The following ATP2B2 variants were observed in gnomAD, a reference collection of about 807,000 sequenced individuals.
The protein encoded by ATP2B2 is plasma membrane calcium-transporting ATPase 2.
ATP2B2 carries 15 observed loss-of-function variants against 120.0 expected under a neutral mutation model. The observed-to-expected ratio is 0.12, with a 90% CI of 0.08 to 0.19. ATP2B2 has a LOEUF of 0.19. ATP2B2 is among the 10% of genes least tolerant of loss of function. The probability of loss-of-function intolerance (pLI) is 1.00; values close to 1 mark genes in which losing one functional copy is unlikely to be tolerated. For missense variants in ATP2B2, 1,045 were observed against 1,719.8 expected, an observed-to-expected ratio of 0.61 and a Z score of 6.94; for synonymous variants, 694 against 700.3, an observed-to-expected ratio of 0.99 and a Z score of 0.14.
At chr3:10,593,078 G>A (rs1006601407) in intron 2 of ATP2B2, among the ~76,000 whole-genome samples, 1 of 152,256 alleles carries the variant, frequency 6.6e-6, no homozygotes, top group Admixed American at 6.5e-5. Flanking sequence ...GAACCACCAC[G>A]CCCAGCCCAT....
chr3:10,606,954 GA>G (rs1482945626), intron 2 of ATP2B2, among the ~76,000 whole-genome samples: 76 of 60,192 alleles, frequency 1.3e-3, no homozygotes, highest in Admixed American at 9.7e-3. Flanking sequence ...GGGAGAGGGG[GA>G]GGGGGGGAGA....
chr3:10,683,585 C>T (rs1462754924), intron 1 of ATP2B2, among the ~76,000 whole-genome samples: 1 of 151,666 alleles, frequency 6.6e-6, no homozygotes, highest in East Asian at 1.9e-4. Flanking sequence ...GAAACTATCA[C>T]TGCCAGCACC....
chr3:10,416,526 C>G (rs1238889982), intron 2 of ATP2B2, among the ~76,000 whole-genome samples: 2 of 152,210 alleles, frequency 1.3e-5, no homozygotes, highest in South Asian at 4.1e-4. Flanking sequence ...ATCTTGACAT[C>G]TAGCTCACCA....
At chr3:10,607,535 C>A (rs1480902019) in intron 2 of ATP2B2, among the ~76,000 whole-genome samples, 2 of 152,204 alleles carry the variant, frequency 1.3e-5, no homozygotes, top group Admixed American at 1.3e-4. Flanking sequence ...GGCACCCTGG[C>A]CAGGACACAG....
At chr3:10,703,934 C>G (rs2071857726) in intron 1 of ATP2B2, among the ~76,000 whole-genome samples, 1 of 152,216 alleles carries the variant, frequency 6.6e-6, no homozygotes, top group South Asian at 2.1e-4. Flanking sequence ...CTACTAGGAA[C>G]AGCCACTGTG....
intron 3 of ATP2B2, among the ~76,000 whole-genome samples, chr3:10,517,792 T>C (rs2066905847): frequency 6.6e-6 from 1 of 152,202 alleles, no homozygotes; most frequent in Admixed American, 6.5e-5. Flanking sequence ...GAACTGGGTG[T>C]CACGTCCTGG....
intron 2 of ATP2B2, among the ~76,000 whole-genome samples, chr3:10,551,381 A>T (rs1022458600): frequency 5.9e-5 from 9 of 152,238 alleles, no homozygotes; most frequent in Non-Finnish European, 1.0e-4. Flanking sequence ...CCATGGGCAC[A>T]GATGGGGCCA....
chr3:10,496,899 T>C lies in ATP2B2; in HGVS notation c.-320+8566A>G, dbSNP rs1411408838. 2.6e-5 allele frequency among the ~76,000 whole-genome samples: 4 copies of C among 151,832 alleles called. No individual in the cohort carries two copies. The South Asian group carries it at 6.3e-4, about 24-fold the overall frequency. On this transcript the variant is annotated intron_variant, in intron 1 of 22. Transcript: ENST00000360273. ...GTCCTCCCCCCAACTCCAATCCACTTTGTGGCCCTAGCCTGTCTGGTGGCT... is the reference window on the plus strand; with the variant it reads ...GTCCTCCCCCCAACTCCAATCCACTCTGTGGCCCTAGCCTGTCTGGTGGCT...
chr3:10,551,456 C>A (rs917280961), intron 2 of ATP2B2, among the ~76,000 whole-genome samples: 2 of 152,234 alleles, frequency 1.3e-5, no homozygotes, highest in African/African-American at 4.8e-5. Context: ...TTGCAAGATA[C>A]AATCCCTGAT....
chr3:10,593,065 C>T (rs546571102), intron 2 of ATP2B2, among the ~76,000 whole-genome samples: 4 of 152,338 alleles, frequency 2.6e-5, no homozygotes, highest in East Asian at 3.9e-4. Flanking sequence ...GGAATACAGG[C>T]GTGAACCACC....
chr3:10,364,659 C>T (rs944679614), intron 12 of ATP2B2, among the ~76,000 whole-genome samples: 1 of 151,870 alleles, frequency 6.6e-6, no homozygotes, highest in Non-Finnish European at 1.5e-5. Context: ...TGCAGTGAGC[C>T]AAAATTGTGC....
Position 10,328,797 on chromosome 3 carries a change from G to A in ATP2B2, c.*17C>T, listed in dbSNP as rs747590367. Reference sequence around the variant, plus strand: ...CGGGGTCCATGAGGGCGGGCGGGCAGGCGAGAGGGTCCTCAGCTAAAGCGA... The same window carrying A: ...CGGGGTCCATGAGGGCGGGCGGGCAAGCGAGAGGGTCCTCAGCTAAAGCGA... On this transcript the variant is annotated 3_prime_UTR_variant, in exon 23 of 23. Coordinates refer to ENST00000360273, the MANE Select transcript of ATP2B2 (RefSeq NM_001001331.4). 3 of 1,594,206 alleles carry A rather than the reference G, an allele frequency of 1.9e-6. No individual in the cohort carries two copies. Among genetic ancestry groups the A allele is most frequent in the Non-Finnish European group, 2.6e-6 (3 of 1,166,738 alleles).
chr3:10,688,340 G>A (rs1427952098), intron 1 of ATP2B2, among the ~76,000 whole-genome samples: 2 of 152,184 alleles, frequency 1.3e-5, no homozygotes, highest in African/African-American at 2.4e-5. Context: ...GGTCAGAAGG[G>A]CACATCAATT....
rs145590535 is a variant in ATP2B2, at chr3:10,412,589, C to G, written c.200-1774G>C. On this transcript the variant is annotated intron_variant, in intron 2 of 22. Transcript: ENST00000360273. The stretch of plus-strand genomic sequence containing the variant: ...CCCTCTCAAGGGCTGAGCAGCCTCC[C>G]CTCCACCCCAGGAGGACAGTGGCCC... Among the ~76,000 whole-genome samples, 474 of 152,318 alleles carry G rather than the reference C, an allele frequency of 3.1e-3. 3 individuals carry two copies. Among genetic ancestry groups the G allele is most frequent in the African/African-American group, 0.011 (449 of 41,566 alleles).
At chr3:10,493,622 C>G (rs566167623) in intron 1 of ATP2B2, among the ~76,000 whole-genome samples, 1 of 152,342 alleles carries the variant, frequency 6.6e-6, no homozygotes, top group African/African-American at 2.4e-5. Flanking sequence ...GCAGGAAGAA[C>G]AGACGATTGA....
chr3:10,462,141 C>A (rs529070624), intron 1 of ATP2B2, among the ~76,000 whole-genome samples: 52 of 152,320 alleles, frequency 3.4e-4, no homozygotes, highest in African/African-American at 1.2e-3. Context: ...CCAGACCGAC[C>A]TTTCCACCAC....
intron 2 of ATP2B2, among the ~76,000 whole-genome samples, chr3:10,416,167 C>G (rs2062774032): frequency 6.6e-6 from 1 of 152,214 alleles, no homozygotes; most frequent in Non-Finnish European, 1.5e-5. Flanking sequence ...TGTGTCCTAC[C>G]ATGTATGTAA....
At chr3:10,507,927 C>CA (rs1421697582), upstream of ATP2B2, among the ~76,000 whole-genome samples, 1 of 116,784 alleles carries the variant, frequency 8.6e-6, no homozygotes, top group Admixed American at 9.0e-5. Context: ...GGGCTGCCTG[C>CA]ATGCGCAGGC....
intron 3 of ATP2B2, among the ~76,000 whole-genome samples, chr3:10,530,505 A>G (rs1395459677): frequency 6.6e-6 from 1 of 152,202 alleles, no homozygotes; most frequent in East Asian, 1.9e-4. Context: ...AGTGGTTACC[A>G]GAGGTTTGGG....
Sources: gnomAD v4.1 joint callset for allele counts (sites outside exome capture counted in the v4.1 genomes callset) on GRCh38, gnomAD v4.1.1 for gene constraint, MANE v1.5 for transcripts, NCBI Gene and HGNC (gene_info 2026-07-23, HGNC 2026-07-21) for gene names.